Variants in RBM20 observed in about 807,000 individuals in gnomAD.
RBM20 encodes RNA binding motif protein 20, also known as RNA-binding protein 20.
RBM20 carries 51 observed loss-of-function variants against 110.1 expected under a neutral mutation model. The observed-to-expected ratio is 0.46, with a 90% CI of 0.37 to 0.59. The LOEUF is 0.59. Among genes scored for constraint, RBM20 ranks in the 20% least tolerant of loss-of-function variants. The pLI, the probability that RBM20 is intolerant of heterozygous loss-of-function variation, is 0.00. For synonymous variants in RBM20, 589 were observed against 618.2 expected (o/e 0.95, Z 0.70); for missense variants, 1,512 against 1,574.9 (o/e 0.96, Z 0.68).
chr10:110,836,145 A>G lies in RBM20; in HGVS notation c.*167A>G. On this transcript the variant is annotated 3_prime_UTR_variant, in exon 14 of 14. Coordinates refer to ENST00000369519, the MANE Select transcript of RBM20 (RefSeq NM_001134363.3). ...CCAGAGACTCAGTGAAATGCCCCTGATATGTCTCCAGGAGCAAGTCACCCA... is the reference window on the plus strand; with the variant it reads ...CCAGAGACTCAGTGAAATGCCCCTGGTATGTCTCCAGGAGCAAGTCACCCA... 1 of 495,570 alleles carries G rather than the reference A, an allele frequency of 2.0e-6. No individual in the cohort carries two copies. The highest frequency in any genetic ancestry group is 3.6e-6 in the Non-Finnish European group (1 of 280,772). The allele number at this position is 495,570 out of a possible 1,614,324, so 30.7% of individuals were successfully genotyped here. A position where few individuals can be genotyped will look rare whatever the true frequency, so the allele number is the denominator to read the frequency against.
At chr10:110,779,186 G>T (rs1844305412) in intron 1 of RBM20, among the ~76,000 whole-genome samples, 1 of 152,186 alleles carries the variant, frequency 6.6e-6, no homozygotes, top group Non-Finnish European at 1.5e-5. Context: ...TCTGGTTACT[G>T]GAAAGACCAC....
At chr10:110,774,327 T>C (rs1844233279) in intron 1 of RBM20, among the ~76,000 whole-genome samples, 1 of 152,222 alleles carries the variant, frequency 6.6e-6, no homozygotes, top group South Asian at 2.1e-4. Context: ...TGAATCATCA[T>C]ATGGTAATGT....
At chr10:110,715,371 T>C (rs761038995) in intron 1 of RBM20, among the ~76,000 whole-genome samples, 12 of 152,244 alleles carry the variant, frequency 7.9e-5, no homozygotes, top group Non-Finnish European at 1.3e-4. Flanking sequence ...TTCCATCTTG[T>C]GTCATCACAC....
At chr10:110,825,919 A>G (rs1844975197) in intron 12 of RBM20, among the ~76,000 whole-genome samples, 4 of 152,210 alleles carry the variant, frequency 2.6e-5, no homozygotes, top group Admixed American at 2.6e-4. Context: ...CAAAAACCAG[A>G]GTCAGGTTCA....
chr10:110,737,772 A>G lies in RBM20; in HGVS notation c.192-43029A>G, dbSNP rs985130708. On this transcript the variant is annotated intron_variant, in intron 1 of 13. Coordinates refer to ENST00000369519, the MANE Select transcript of RBM20 (RefSeq NM_001134363.3). ...AGTGTTCGCGGCTGTGTAGTATTCC[A>G]TTACAGGAATACACCACTATTTATT... Among the ~76,000 whole-genome samples the G allele has an allele frequency of 3.0e-4, 46 of 152,314 alleles. 1 individual carries two copies. Among genetic ancestry groups the G allele is most frequent in the Admixed American group, 2.8e-3 (43 of 15,306 alleles).
intron 1 of RBM20, among the ~76,000 whole-genome samples, chr10:110,733,379 G>A (rs991609711): frequency 1.3e-5 from 2 of 152,234 alleles, no homozygotes; most frequent in East Asian, 3.9e-4. Flanking sequence ...AAACCACACG[G>A]TATAGAGCCG....
intron 1 of RBM20, among the ~76,000 whole-genome samples, chr10:110,674,894 G>A (rs764021034): frequency 1.3e-5 from 2 of 152,204 alleles, no homozygotes; most frequent in African/African-American, 2.4e-5. Flanking sequence ...CTGTATTATT[G>A]CCTATGGAGG....
Position 110,839,019 on chromosome 10 carries a change from G to C in RBM20, c.*3041G>C, listed in dbSNP as rs1845170778. The C allele has an allele frequency of 6.6e-6, 1 of 152,104 alleles. No individual in the cohort carries two copies. The highest frequency in any genetic ancestry group is 2.1e-4 in the South Asian group (1 of 4,822). 9.4% of individuals were successfully genotyped at this position (152,104 alleles called of 1,614,324 possible). On this transcript the variant is annotated 3_prime_UTR_variant, in exon 14 of 14. Transcript: ENST00000369519. Reference sequence around the variant, plus strand: ...TCAGTGTTTTGTCAACCATTTCAAAGTGTCTCCCAAAAAAGGATGCTGAAG... The same window carrying C: ...TCAGTGTTTTGTCAACCATTTCAAACTGTCTCCCAAAAAAGGATGCTGAAG...
Position 110,644,527 on chromosome 10 carries a change from A to G in RBM20, c.73A>G (p.Ser25Gly). Residue 25 changes from serine to glycine, a missense_variant, in exon 1 of 14, where the codon AGT (serine) becomes GGT (glycine). Physicochemically the swap from Ser to Gly is moderately conservative, Grantham distance 56. Transcript: ENST00000369519. The surrounding 1 kb of genome is among the most constrained non-coding windows in gnomAD (Gnocchi z 4.3). Reference sequence around the variant, plus strand: ...GGAGCAGCCGGACAGAGTTGCCTGCAGTGTGCCTGGTGCCCGGGCGTCCCC... The same window carrying G: ...GGAGCAGCCGGACAGAGTTGCCTGCGGTGTGCCTGGTGCCCGGGCGTCCCC... ...GPEQPDRVAC[S>G]VPGARASPAP... is the part of the protein sequence containing the mutation. 1 of 1,529,208 alleles carries G rather than the reference A, an allele frequency of 6.5e-7. No homozygotes were observed. The highest frequency in any genetic ancestry group is 8.8e-7 in the Non-Finnish European group (1 of 1,141,458). The allele number at this position is 1,529,208 out of a possible 1,614,324, so 94.7% of individuals were successfully genotyped here. A position where few individuals can be genotyped will look rare whatever the true frequency, so the allele number is the denominator to read the frequency against.
intron 1 of RBM20, among the ~76,000 whole-genome samples, chr10:110,669,113 C>T (rs763415358): frequency 6.6e-6 from 1 of 152,114 alleles, no homozygotes; most frequent in Non-Finnish European, 1.5e-5. Context: ...AATCTTCCTT[C>T]GTTTTTTCTG....
At chr10:110,718,173 C>T (rs1489902995) in intron 1 of RBM20, among the ~76,000 whole-genome samples, 1 of 152,234 alleles carries the variant, frequency 6.6e-6, no homozygotes, top group Non-Finnish European at 1.5e-5. Flanking sequence ...AGCACTTCCC[C>T]TTTTTGTTTC....
rs1279920662 is a variant in RBM20 at position 110,834,042 on chromosome 10, CG to C, written c.3574-1825del. Among the ~76,000 whole-genome samples the C allele has an allele frequency of 3.3e-5, 5 of 152,340 alleles. No homozygotes were observed. The East Asian group carries it at 9.6e-4, about 29-fold the overall frequency. ...GCAGGGAGCAGGTTGAAGGAGCCTC[CG>C]CTCTCTCTGAGCAGCCTGTGCTGTG... On this transcript the variant is annotated intron_variant, in intron 13 of 13. Coordinates refer to ENST00000369519, the MANE Select transcript of RBM20 (RefSeq NM_001134363.3).
intron 5 of RBM20, among the ~76,000 whole-genome samples, chr10:110,785,206 A>AT (rs2135051817): frequency 1.3e-5 from 2 of 152,328 alleles, no homozygotes; most frequent in African/African-American, 4.8e-5. Flanking sequence ...TGCACCTGAC[A>AT]TGCCACAGGC....
intron 3 of RBM20, 21 bp downstream of exon 3, chr10:110,783,448 C>T (rs1041606560): frequency 1.3e-6 from 2 of 1,530,250 alleles, no homozygotes; most frequent in South Asian, 1.2e-5. Flanking sequence ...TTCAGGAGGA[C>T]AGGCTCATGC....
intron 5 of RBM20, among the ~76,000 whole-genome samples, chr10:110,795,736 C>G (rs1844542477): frequency 6.6e-6 from 1 of 152,212 alleles, no homozygotes; most frequent in Non-Finnish European, 1.5e-5. Flanking sequence ...TTATATCCTT[C>G]TCTTCCACAT....
intron 1 of RBM20, among the ~76,000 whole-genome samples, chr10:110,746,163 G>A (rs568532204): frequency 7.2e-5 from 11 of 152,162 alleles, no homozygotes; most frequent in Non-Finnish European, 1.5e-4. Flanking sequence ...GCTGAAGGAG[G>A]CTGGTGCGGG....
intron 1 of RBM20, among the ~76,000 whole-genome samples, chr10:110,719,296 T>C (rs1436736377): frequency 6.6e-6 from 1 of 152,278 alleles, no homozygotes; most frequent in African/African-American, 2.4e-5. Flanking sequence ...TTGTTGTTGC[T>C]GTTCATTCCT....
intron 7 of RBM20, among the ~76,000 whole-genome samples, chr10:110,804,055 C>T (rs897505041): frequency 1.3e-5 from 2 of 152,170 alleles, no homozygotes; most frequent in Non-Finnish European, 2.9e-5. Flanking sequence ...CTCAGCAGCT[C>T]TTTCTCCCCC....
At chr10:110,763,587 A>G (rs552454812) in intron 1 of RBM20, among the ~76,000 whole-genome samples, 1 of 152,160 alleles carries the variant, frequency 6.6e-6, no homozygotes, top group East Asian at 1.9e-4. Flanking sequence ...GTTTGGTTTG[A>G]GTGTTTAAGG....
Sources: allele counts gnomAD v4.1 joint callset (sites outside exome capture counted in the v4.1 genomes callset), GRCh38; gene constraint gnomAD v4.1.1; non-coding constraint Gnocchi (gnomAD v3.1); transcripts MANE v1.5; gene names NCBI Gene and HGNC (gene_info 2026-07-23, HGNC 2026-07-21).